The following UBR1 variants were observed in gnomAD, a reference collection of about 807,000 sequenced individuals.
UBR1 encodes E3 ubiquitin-protein ligase UBR1.
A neutral mutation model predicts 242.1 loss-of-function variants in UBR1; 102 were observed. The ratio of observed to expected loss-of-function variants is 0.42; its 90% CI spans 0.36 to 0.50. UBR1 has a LOEUF of 0.50. UBR1 is among the 20% of genes least tolerant of loss of function. UBR1 has a pLI of 0.01. For synonymous variants in UBR1, 675 were observed against 684.8 expected (o/e 0.99, Z 0.22); for missense variants, 1,772 against 2,101.8 (o/e 0.84, Z 3.07).
intron 41 of UBR1, among the ~76,000 whole-genome samples, chr15:42,965,417 T>G (rs2032089781): frequency 6.6e-6 from 1 of 151,974 alleles, no homozygotes; most frequent in South Asian, 2.1e-4. Flanking sequence ...TTGGTTCTAG[T>G]AGGCCTTTCC....
intron 46 of UBR1, among the ~76,000 whole-genome samples, chr15:42,947,622 C>G (rs2031759855): frequency 2.6e-5 from 4 of 152,190 alleles, no homozygotes; most frequent in Admixed American, 2.6e-4. Context: ...AAATCACCAG[C>G]ATTCTTATAC....
intron 39 of UBR1, among the ~76,000 whole-genome samples, chr15:42,971,231 G>T (rs1368175303): frequency 6.6e-6 from 1 of 152,170 alleles, no homozygotes; most frequent in Non-Finnish European, 1.5e-5. Context: ...TAAGCCAGCA[G>T]ATAGAAATTC....
At chr15:42,961,548 G>A (rs559477391) in intron 42 of UBR1, among the ~76,000 whole-genome samples, 11 of 151,020 alleles carry the variant, frequency 7.3e-5, no homozygotes, top group South Asian at 6.3e-4. Context: ...CTCAGCTCCC[G>A]AGCAGCTGGG....
chr15:43,012,882 A>C (rs2032944374), intron 29 of UBR1, among the ~76,000 whole-genome samples: 1 of 152,194 alleles, frequency 6.6e-6, no homozygotes, highest in African/African-American at 2.4e-5. Context: ...CTAGTATTCC[A>C]AAACCAAAAT....
At chr15:43,026,243 A>G (rs1334471785) in intron 23 of UBR1, 1 of 274,464 alleles carries the variant, frequency 3.6e-6, no homozygotes, top group African/African-American at 2.3e-5. Flanking sequence ...CAAAACAAAA[A>G]CAAAAACAAA....
intron 30 of UBR1, among the ~76,000 whole-genome samples, chr15:43,006,115 A>AAAAAG (rs1329760105): frequency 6.6e-6 from 1 of 151,372 alleles, no homozygotes; most frequent in Non-Finnish European, 1.5e-5. Context: ...AGAAAAAAAA[A>AAAAAG]AAAAGAAAAG....
intron 30 of UBR1, among the ~76,000 whole-genome samples, chr15:43,005,518 G>C (rs1234339662): frequency 6.6e-6 from 1 of 151,886 alleles, no homozygotes; most frequent in Non-Finnish European, 1.5e-5. Context: ...AGGTGGGGGG[G>C]CGCCTCTGTC....
intron 4 of UBR1, among the ~76,000 whole-genome samples, chr15:43,071,297 GCTCT>G (rs939356128): frequency 2.6e-5 from 4 of 152,090 alleles, no homozygotes; most frequent in African/African-American, 9.7e-5. Flanking sequence ...GATCCTCATG[GCTCT>G]CTCTAAGACA....
intron 33 of UBR1, among the ~76,000 whole-genome samples, chr15:42,990,899 T>C (rs2032546930): frequency 6.6e-6 from 1 of 152,186 alleles, no homozygotes; most frequent in Admixed American, 6.5e-5. Context: ...CCTTGTCAAA[T>C]TCAAATGCTA....
chr15:43,009,753 A>G (rs762423851), intron 29 of UBR1, among the ~76,000 whole-genome samples: 3 of 152,238 alleles, frequency 2.0e-5, no homozygotes, highest in Non-Finnish European at 2.9e-5. Flanking sequence ...GAACTACTAT[A>G]CAATGTTGTC....
At chr15:43,016,191 C>A (rs1461581182) in intron 28 of UBR1, among the ~76,000 whole-genome samples, 2 of 152,136 alleles carry the variant, frequency 1.3e-5, no homozygotes, top group Non-Finnish European at 2.9e-5. Context: ...ATCACTTAAT[C>A]ACTGACAATT....
In UBR1 at chr15:43,002,563, C is replaced by T; in HGVS notation, c.3651G>A (p.Lys1217=). The T allele has an allele frequency of 6.2e-7, 1 of 1,614,022 alleles. No homozygotes were observed. The stretch of plus-strand genomic sequence containing the variant: ...CATAAATTAAAATATACCTGTTTAT[C>T]TTTTGAGGTTGCAAAGGAATAATGG... The part of the protein sequence containing the change: ...VIPIIPLQPQ[K]INSENADALA... The change falls in exon 32 of 47, where the codon AAG becomes AAA. Residue 1217 remains lysine, a synonymous_variant. Coordinates refer to ENST00000290650, the MANE Select transcript of UBR1 (RefSeq NM_174916.3).
intron 37 of UBR1, among the ~76,000 whole-genome samples, chr15:42,981,521 G>T (rs956699507): frequency 6.6e-6 from 1 of 151,538 alleles, no homozygotes; most frequent in Non-Finnish European, 1.5e-5. Flanking sequence ...ATGGAATCTC[G>T]CTCTGTCGCC....
At chr15:43,030,593 ATGAC>A (rs1285249586) in intron 20 of UBR1, among the ~76,000 whole-genome samples, 2 of 152,344 alleles carry the variant, frequency 1.3e-5, no homozygotes, top group South Asian at 2.1e-4. Flanking sequence ...TGTATTAAAA[ATGAC>A]TGGTGCTGTG....
intron 27 of UBR1, among the ~76,000 whole-genome samples, chr15:43,020,804 C>G (rs2033100259): frequency 6.6e-6 from 1 of 152,210 alleles, no homozygotes; most frequent in African/African-American, 2.4e-5. Flanking sequence ...CTGGAGTACT[C>G]TTCCAGACTC....
intron 14 of UBR1, among the ~76,000 whole-genome samples, chr15:43,044,035 A>T (rs903214508): frequency 2.0e-5 from 3 of 152,218 alleles, no homozygotes; most frequent in African/African-American, 7.2e-5. Flanking sequence ...AAAGATAAGG[A>T]GAAGATGGCA....
At position 43,036,484 on chromosome 15, in the gene UBR1, AG is replaced by A. The variant is rs755977880; in HGVS notation, c.2088+43del. On this transcript the variant is annotated intron_variant, in intron 18 of 46. Transcript: ENST00000290650. Reference sequence around the variant, plus strand: ...TTCTCTCCTTAGAAAGAATTCAAGAAGGAAGATGAAGACACAAATATCAGAA... The same window carrying A: ...TTCTCTCCTTAGAAAGAATTCAAGAAGAAGATGAAGACACAAATATCAGAA... 5.0e-6 allele frequency: 7 copies of A among 1,405,448 alleles called. No individual in the cohort carries two copies. In the Admixed American group the frequency reaches 5.1e-5, roughly 10 times the overall value. 87.1% of individuals were successfully genotyped at this position (1,405,448 alleles called of 1,614,324 possible). A position where few individuals can be genotyped will look rare whatever the true frequency, so the allele number is the denominator to read the frequency against.
chr15:43,047,251 A>C lies in UBR1; in HGVS notation c.1578T>G (p.Ile526Met), dbSNP rs769063596. The C allele has an allele frequency of 1.1e-5, 17 of 1,614,210 alleles. No individual in the cohort carries two copies. Among genetic ancestry groups the C allele is most frequent in the Non-Finnish European group, 1.4e-5 (17 of 1,180,032 alleles). The change falls in exon 14 of 47, where the codon ATT becomes ATG. Residue 526 changes from isoleucine (I) to methionine (M), a missense_variant. Physicochemically the swap from Ile to Met is conservative, Grantham distance 10 (BLOSUM62 1). Transcript: ENST00000290650. ...CAGCCTCCCAATCAGGATCCACTTC[A>C]ATGTGTTGCCCAACCTGTCTTCGGA... ...EEIRRQVGQH[I>M]EVDPDWEAAI...
chr15:43,067,719 G>C (rs1205101960), intron 6 of UBR1, among the ~76,000 whole-genome samples, 179 bp downstream of exon 6: 1 of 152,086 alleles, frequency 6.6e-6, no homozygotes, highest in Non-Finnish European at 1.5e-5. Flanking sequence ...GTTATAAATA[G>C]TTATTTAAAA....
Sources: gnomAD v4.1 joint callset for allele counts (sites outside exome capture counted in the v4.1 genomes callset) on GRCh38, gnomAD v4.1.1 for gene constraint, MANE v1.5 for transcripts, NCBI Gene and HGNC (gene_info 2026-07-23, HGNC 2026-07-21) for gene names.